The following PIWIL1 variants were observed in gnomAD, a reference collection of about 807,000 sequenced individuals.
The protein encoded by PIWIL1 is piwi-like protein 1.
A neutral mutation model predicts 114.4 loss-of-function variants in PIWIL1; 73 were observed. That is an observed-to-expected ratio of 0.64 (90% CI 0.53 to 0.78). The LOEUF is 0.78. Among genes scored for constraint, PIWIL1 ranks in the 30% least tolerant of loss-of-function variants. The pLI, the probability that PIWIL1 is intolerant of heterozygous loss-of-function variation, is 0.00. For synonymous variants in PIWIL1, 375 were observed against 369.0 expected, an observed-to-expected ratio of 1.02 and a Z score of -0.19; for missense variants, 723 against 1,063.1, an observed-to-expected ratio of 0.68 and a Z score of 4.45.
chr12:130,357,349 T>A, intron 13 of PIWIL1, 132 bp from the exon 14 acceptor site: 1 of 713,066 alleles, frequency 1.4e-6, no homozygotes, highest in South Asian at 1.9e-5. Flanking sequence ...GCCCTTGGCA[T>A]GAATGGCTAG....
At position 130,343,208 on chromosome 12, in the gene PIWIL1, A is replaced by C. The variant is rs1026674765; in HGVS notation, c.190+107A>C. On this transcript the variant is annotated intron_variant, in intron 3 of 20. Coordinates refer to ENST00000245255, the MANE Select transcript of PIWIL1 (RefSeq NM_004764.5). ...AATTTGTGCTGAAACTGTTTAAGAA[A>C]CATTTCCTTATAATGTTGCCACAAC... 21 of 661,586 alleles carry C rather than the reference A, an allele frequency of 3.2e-5. No homozygotes were observed. The African/African-American group carries it at 3.7e-4, about 12-fold the overall frequency. The allele number at this position is 661,586 out of a possible 1,614,324, so 41.0% of individuals were successfully genotyped here. A position where few individuals can be genotyped will look rare whatever the true frequency, so the allele number is the denominator to read the frequency against.
the PIWIL1 span, chr12:130,406,184 A>G: frequency 1.9e-6 from 3 of 1,576,702 alleles, no homozygotes; most frequent in Non-Finnish European, 8.7e-7. Context: ...AATAAAATCC[A>G]TCTTCATCAA....
In PIWIL1 at chr12:130,371,291, T is replaced by C; in HGVS notation, c.2437T>C (p.Tyr813His). 1 of 1,614,198 alleles carries C rather than the reference T, an allele frequency of 6.2e-7. No homozygotes were observed. The highest frequency in any genetic ancestry group is 8.5e-7 in the Non-Finnish European group (1 of 1,179,990). ...GCCAGACCACATACAGCGCTTGACC[T>C]ACAAGCTGTGCCACATCTATTACAA... ...LKPDHIQRLT[Y>H]KLCHIYYNWP... Residue 813 changes from tyrosine to histidine, a missense_variant, in exon 20 of 21, where the codon TAC (tyrosine) becomes CAC (histidine). By Grantham distance (83) the Tyr-to-His change is moderately conservative. Around this residue, in one of 8 missense-constraint regions of PIWIL1, gnomAD observed 106 missense variants for 182.8 expected, o/e 0.58. Coordinates refer to ENST00000245255, the MANE Select transcript of PIWIL1 (RefSeq NM_004764.5).
the PIWIL1 span, chr12:130,424,986 G>A: frequency 8.8e-4 from 422 of 477,208 alleles, 1 homozygote; most frequent in Non-Finnish European, 1.2e-3. This position sits in a 1 kb window ranked among gnomAD's most constrained non-coding sequence, Gnocchi z 9.8. Flanking sequence ...GGAAGCATGC[G>A]TCTACTCAGG....
the PIWIL1 span, chr12:130,424,126 A>G: frequency 8.3e-7 from 1 of 1,210,694 alleles, no homozygotes; most frequent in Middle Eastern, 3.2e-4. The surrounding 1 kb of genome is among the most constrained non-coding windows in gnomAD (Gnocchi z 9.8). Context: ...GTGAAAAGGA[A>G]GTTTAGGTCA....
At chr12:130,358,778 G>A (rs915930028) in intron 14 of PIWIL1, among the ~76,000 whole-genome samples, 1 of 152,090 alleles carries the variant, frequency 6.6e-6, no homozygotes, top group Non-Finnish European at 1.5e-5. Context: ...GAAACTGTCC[G>A]TCACTCTCGC....
At chr12:130,399,160 T>C in the PIWIL1 span, 1 of 1,389,990 alleles carries the variant, frequency 7.2e-7, no homozygotes, top group Non-Finnish European at 9.4e-7. Context: ...AACACTCTTC[T>C]TCTGTTTCCA....
At chr12:130,391,023 G>A in the PIWIL1 span, among the ~76,000 whole-genome samples, 1 of 150,304 alleles carries the variant, frequency 6.7e-6, no homozygotes, top group African/African-American at 2.5e-5. Context: ...TGCTGTCCCC[G>A]GGGCCCTCGC....
At chr12:130,424,926 G>T in the PIWIL1 span, 1 of 967,276 alleles carries the variant, frequency 1.0e-6, no homozygotes, top group South Asian at 5.4e-5. The surrounding 1 kb of genome is among the most constrained non-coding windows in gnomAD (Gnocchi z 9.8). Context: ...TGGGGGCCAG[G>T]GGAGGAAAGA....
intron 1 of PIWIL1, among the ~76,000 whole-genome samples, chr12:130,338,668 GGGTGCGGGGGCGAGGTCCCA>G (rs2072790637): frequency 1.2e-5 from 1 of 82,190 alleles, no homozygotes; most frequent in Non-Finnish European, 2.5e-5. Context: ...TGCAGGAGCC[GGGTGCGGGGGCGAGGTCCCA>G]GGTGCGGGGG....
At chr12:130,349,192 G>A (rs1282574842) in intron 7 of PIWIL1, 47 bp from the exon 8 acceptor site, 1 of 1,403,038 alleles carries the variant, frequency 7.1e-7, no homozygotes, top group East Asian at 2.3e-5. Context: ...TGTGCAGAAT[G>A]TGTTGAATGT....
chr12:130,371,770 A>G lies in PIWIL1; in HGVS notation c.*172A>G. The G allele has an allele frequency of 2.3e-6, 1 of 432,562 alleles. No homozygotes were observed. The highest frequency in any genetic ancestry group is 4.1e-6 in the Non-Finnish European group (1 of 244,708). The allele number at this position is 432,562 out of a possible 1,614,324, so 26.8% of individuals were successfully genotyped here. On this transcript the variant is annotated 3_prime_UTR_variant, in exon 21 of 21. Coordinates refer to ENST00000245255, the MANE Select transcript of PIWIL1 (RefSeq NM_004764.5). ...CTATTCACCGGCTTCCTTATTTTAT[A>G]CGTAAAAATTAAGATTTTATATTTT...
intron 1 of PIWIL1, among the ~76,000 whole-genome samples, chr12:130,340,840 G>A (rs1267406858): frequency 6.6e-6 from 1 of 152,132 alleles, no homozygotes; most frequent in Non-Finnish European, 1.5e-5. Flanking sequence ...TTTAAAATTA[G>A]TTGTAATATG....
At position 130,338,154 on chromosome 12, in the gene PIWIL1, GCCA is replaced by G; in HGVS notation, c.-13+9_-13+11del. 3.1e-6 allele frequency: 1 copy of G among 322,430 alleles called. No homozygotes were observed. The highest frequency in any genetic ancestry group is 2.3e-5 in the South Asian group (1 of 42,954). The allele number at this position is 322,430 out of a possible 1,614,324, so 20.0% of individuals were successfully genotyped here. A position where few individuals can be genotyped will look rare whatever the true frequency, so the allele number is the denominator to read the frequency against. ...CGAGGGCAGCGGTCCAAGGTGCGGG[GCCA>G]GGCTGAGGTGCTAGGTGTGCGGGGG... is the stretch of plus-strand genomic sequence containing the variant. On this transcript the variant is annotated intron_variant, in intron 1 of 20. Coordinates refer to ENST00000245255, the MANE Select transcript of PIWIL1 (RefSeq NM_004764.5).
chr12:130,363,160 G>T lies in PIWIL1; in HGVS notation c.2195+16G>T, dbSNP rs1351806897. 1 of 1,610,792 alleles carries T rather than the reference G, an allele frequency of 6.2e-7. No individual in the cohort carries two copies. The highest frequency in any genetic ancestry group is 1.1e-5 in the South Asian group (1 of 90,806). ...GAGGTTACAAGTAAGCATGCAAATT[G>T]TAAAGCATTTTCTTTTTATAAAACT... On this transcript the variant is annotated intron_variant, in intron 18 of 20. Coordinates refer to ENST00000245255, the MANE Select transcript of PIWIL1 (RefSeq NM_004764.5).
rs146544413 is a variant in PIWIL1 at position 130,343,057 on chromosome 12, G to A, written c.146G>A (p.Arg49His). 3.5e-5 allele frequency: 57 copies of A among 1,613,912 alleles called. No homozygotes were observed. The highest frequency in any genetic ancestry group is 2.1e-4 in the African/African-American group (16 of 75,050). ...PPPAEGELFGRGRQRGTAGGT... is the reference protein window; with the variant it reads ...PPPAEGELFGHGRQRGTAGGT... ...CCAGCAGAGGGGGAATTATTTGGCC[G>A]TGGACGGCAGAGAGGAACAGCAGGA... The change falls in exon 3 of 21, where the codon CGT (arginine) becomes CAT (histidine). Residue 49 changes from arginine (R) to histidine (H), a missense_variant. Coordinates refer to ENST00000245255, the MANE Select transcript of PIWIL1 (RefSeq NM_004764.5).
At chr12:130,354,310 C>T (rs1385501165) in intron 9 of PIWIL1, among the ~76,000 whole-genome samples, 1 of 152,088 alleles carries the variant, frequency 6.6e-6, no homozygotes, top group Non-Finnish European at 1.5e-5. Context: ...CCTGGACCAT[C>T]ACAGTTTTTA....
At chr12:130,402,271 A>G in the PIWIL1 span, among the ~76,000 whole-genome samples, 1 of 152,146 alleles carries the variant, frequency 6.6e-6, no homozygotes, top group Non-Finnish European at 1.5e-5. Flanking sequence ...AGAGTTTCTA[A>G]GCCAGGTTTT....
the PIWIL1 span, among the ~76,000 whole-genome samples, chr12:130,420,437 T>G: frequency 6.6e-6 from 1 of 152,208 alleles, no homozygotes; most frequent in Non-Finnish European, 1.5e-5. The surrounding 1 kb of genome is among the most constrained non-coding windows in gnomAD (Gnocchi z 4.3). Context: ...TTCACCCAAT[T>G]TAACAAGTGT....
Sources: gnomAD v4.1 joint callset for allele counts (sites outside exome capture counted in the v4.1 genomes callset) on GRCh38, gnomAD v4.1.1 for gene constraint, gnomAD v4.1.1 regional missense constraint, Gnocchi (gnomAD v3.1) non-coding constraint, MANE v1.5 for transcripts, NCBI Gene and HGNC (gene_info 2026-07-23, HGNC 2026-07-21) for gene names.